Variants in CPED1 observed in about 807,000 individuals in gnomAD.
CPED1 encodes the protein cadherin like and PC-esterase domain containing 1.
In CPED1, 114 loss-of-function variants were observed where a neutral mutation model predicts 128.2. That is an observed-to-expected ratio of 0.89 (90% CI 0.76 to 1.04). The LOEUF is 1.04. Ranked by LOEUF, CPED1 falls within the 50% of genes least tolerant of loss-of-function variation. The pLI is 0.00. For synonymous variants in CPED1, 462 were observed against 426.7 expected, an observed-to-expected ratio of 1.08 and a Z score of -1.02; for missense variants, 1,211 against 1,207.1, an observed-to-expected ratio of 1.00 and a Z score of -0.05.
chr7:121,158,369 C>T lies in CPED1; in HGVS notation c.2055+16228C>T, dbSNP rs192304177. 3.1e-3 allele frequency among the ~76,000 whole-genome samples: 470 copies of T among 152,208 alleles called. 7 individuals are homozygous for T. Among genetic ancestry groups the T allele is most frequent in the Admixed American group, 0.012 (178 of 15,296 alleles). On this transcript the variant is annotated intron_variant, in intron 16 of 22. Coordinates refer to ENST00000310396, the MANE Select transcript of CPED1 (RefSeq NM_024913.5). Reference sequence around the variant, plus strand: ...TAAGTCCATCTGTGATCACGATAACCCCAGTCTGGCATTCAGCCCTCCCTG... The same window carrying T: ...TAAGTCCATCTGTGATCACGATAACTCCAGTCTGGCATTCAGCCCTCCCTG...
intron 16 of CPED1, among the ~76,000 whole-genome samples, chr7:121,193,341 A>C (rs1797190362): frequency 6.6e-6 from 1 of 152,186 alleles, no homozygotes; most frequent in Non-Finnish European, 1.5e-5. Flanking sequence ...ACCAAGCTAA[A>C]TGATGGAAAA....
At chr7:121,153,131 T>C (rs1401603747) in intron 16 of CPED1, among the ~76,000 whole-genome samples, 1 of 152,218 alleles carries the variant, frequency 6.6e-6, no homozygotes, top group African/African-American at 2.4e-5. Context: ...TCTGCTGTTT[T>C]AATAAATTAG....
intron 4 of CPED1, among the ~76,000 whole-genome samples, chr7:121,060,004 G>T (rs10233922): frequency 6.6e-6 from 1 of 152,036 alleles, no homozygotes; most frequent in Non-Finnish European, 1.5e-5. Context: ...GGCTGCGCGC[G>T]GCGCTTGCGG....
rs539137603 is a variant in CPED1 at position 121,165,288 on chromosome 7, G to T, written c.2055+23147G>T. On this transcript the variant is annotated intron_variant, in intron 16 of 22. Coordinates refer to ENST00000310396, the MANE Select transcript of CPED1 (RefSeq NM_024913.5). ...AAGTATCCAGTAAGTGTTTTTTCTT[G>T]TTTCTTTTTGGTGTTGTTTGTAACT... is the stretch of plus-strand genomic sequence containing the variant. 5.3e-5 allele frequency among the ~76,000 whole-genome samples: 8 copies of T among 152,128 alleles called. No individual in the cohort carries two copies. In the East Asian group the frequency reaches 1.2e-3, roughly 22 times the overall value.
At chr7:121,193,836 A>G (rs1209545197) in intron 16 of CPED1, among the ~76,000 whole-genome samples, 9 of 151,872 alleles carry the variant, frequency 5.9e-5, no homozygotes, top group Admixed American at 1.3e-4. Flanking sequence ...TATCTCCTAT[A>G]AAACTCAGGT....
intron 16 of CPED1, among the ~76,000 whole-genome samples, chr7:121,229,959 A>T (rs932114082): frequency 6.6e-6 from 1 of 152,012 alleles, no homozygotes; most frequent in African/African-American, 2.4e-5. Flanking sequence ...GACTGGATGG[A>T]GATTAGCCAA....
intron 3 of CPED1, among the ~76,000 whole-genome samples, chr7:121,036,927 T>G (rs1563000639): frequency 6.6e-6 from 1 of 152,146 alleles, no homozygotes; most frequent in African/African-American, 2.4e-5. Flanking sequence ...TGTTGGAAAT[T>G]TATATACCTT....
chr7:121,157,311 A>G (rs537208806), intron 16 of CPED1, among the ~76,000 whole-genome samples: 2 of 152,330 alleles, frequency 1.3e-5, no homozygotes, highest in Non-Finnish European at 2.9e-5. Flanking sequence ...CCCACTTAAT[A>G]TACGATATCA....
intron 5 of CPED1, among the ~76,000 whole-genome samples, chr7:121,077,302 A>T (rs545255670): frequency 5.3e-4 from 80 of 152,316 alleles, no homozygotes; most frequent in African/African-American, 1.5e-3. Flanking sequence ...AGTTAATGAA[A>T]ATGGAAGTCA....
rs115008548 is a variant in CPED1, at chr7:121,288,641, G to A, written c.2869-6799G>A. The stretch of plus-strand genomic sequence containing the variant: ...AAGATTGTTGTAAGCATCTACACCA[G>A]CATTATCCAATGGTTGTAATGCAAC... On this transcript the variant is annotated intron_variant, in intron 22 of 22. Coordinates refer to ENST00000310396, the MANE Select transcript of CPED1 (RefSeq NM_024913.5). Among the ~76,000 whole-genome samples, 1,273 of 152,230 alleles carry A rather than the reference G, an allele frequency of 8.4e-3. 19 individuals are homozygous for A. The highest frequency in any genetic ancestry group is 0.028 in the African/African-American group (1,167 of 41,516).
chr7:121,100,199 A>C, intron 7 of CPED1, 105 bp downstream of exon 7: 1 of 943,056 alleles, frequency 1.1e-6, no homozygotes, highest in Non-Finnish European at 1.6e-6. Context: ...ATCCCATTGA[A>C]CAAGGATCAC....
intron 16 of CPED1, among the ~76,000 whole-genome samples, chr7:121,183,300 A>G (rs1047277263): frequency 1.3e-5 from 2 of 152,176 alleles, no homozygotes; most frequent in Admixed American, 1.3e-4. Context: ...TTTAAGTAAT[A>G]TTTGCTTCAA....
chr7:121,057,040 C>T (rs1793515468), intron 4 of CPED1, among the ~76,000 whole-genome samples: 1 of 151,840 alleles, frequency 6.6e-6, no homozygotes, highest in Admixed American at 6.6e-5. Flanking sequence ...TGCAATGGCG[C>T]AATCTCGGCT....
chr7:121,238,549 C>T (rs1263183334), intron 17 of CPED1, among the ~76,000 whole-genome samples: 1 of 152,066 alleles, frequency 6.6e-6, no homozygotes, highest in Non-Finnish European at 1.5e-5. Flanking sequence ...TACAACAGCT[C>T]TTACCATATT....
intron 2 of CPED1, 43 bp from the exon 3 acceptor site, chr7:121,015,622 G>T (rs4730984): frequency 0.25 from 377,967 of 1,529,516 alleles, 49,054 homozygotes; most frequent in East Asian, 0.46. Context: ...CAAGGGAAAT[G>T]TACTACTTTT....
intron 16 of CPED1, among the ~76,000 whole-genome samples, chr7:121,158,030 T>C (rs1796331186): frequency 6.6e-6 from 1 of 152,216 alleles, no homozygotes; most frequent in African/African-American, 2.4e-5. Context: ...GGATGCATTA[T>C]ATGCACAATT....
chr7:120,994,007 T>G (rs1464247683), intron 2 of CPED1: 1 of 281,524 alleles, frequency 3.6e-6, no homozygotes, highest in Non-Finnish European at 7.5e-6. Context: ...CAATCAGTAC[T>G]GTGAGTAGGA....
intron 16 of CPED1, among the ~76,000 whole-genome samples, chr7:121,169,572 T>A (rs1796605450): frequency 2.0e-5 from 3 of 152,234 alleles, no homozygotes; most frequent in Admixed American, 6.5e-5. Flanking sequence ...TACTGAAGAA[T>A]ATCATCAAAT....
At chr7:120,997,957 TA>T (rs1796438500) in intron 2 of CPED1, among the ~76,000 whole-genome samples, 2 of 146,802 alleles carry the variant, frequency 1.4e-5, no homozygotes, top group Non-Finnish European at 3.0e-5. Flanking sequence ...TAAAATAAAA[TA>T]AAATAAAATA....
Sources: gnomAD v4.1 joint callset for allele counts (sites outside exome capture counted in the v4.1 genomes callset) on GRCh38, gnomAD v4.1.1 for gene constraint, MANE v1.5 for transcripts, NCBI Gene and HGNC (gene_info 2026-07-23, HGNC 2026-07-21) for gene names.